The following JAZF1 variants were observed in gnomAD, a reference collection of about 807,000 sequenced individuals.
JAZF1 encodes the protein juxtaposed with another zinc finger protein 1.
Under a neutral mutation model 26.4 loss-of-function variants are expected in JAZF1, and 8 were observed. That is an observed-to-expected ratio of 0.30 (90% CI 0.18 to 0.55). The LOEUF (loss-of-function observed/expected upper bound fraction) is 0.55, where lower values mean the gene tolerates loss of function less well. Ranked by LOEUF, JAZF1 falls within the 20% of genes least tolerant of loss-of-function variation. The pLI, the probability that JAZF1 is intolerant of heterozygous loss-of-function variation, is 0.94. For synonymous variants in JAZF1, 126 were observed against 122.3 expected, an observed-to-expected ratio of 1.03 and a Z score of -0.20; for missense variants, 199 against 322.0, an observed-to-expected ratio of 0.62 and a Z score of 2.92.
chr7:27,956,052 CTTG>C (rs891012112), intron 2 of JAZF1, among the ~76,000 whole-genome samples: 4 of 152,290 alleles, frequency 2.6e-5, no homozygotes, highest in African/African-American at 9.6e-5. Flanking sequence ...GGACCATGAC[CTTG>C]TTGTGTTCTG....
intron 3 of JAZF1, among the ~76,000 whole-genome samples, chr7:27,889,782 A>G: frequency 6.6e-6 from 1 of 152,126 alleles, no homozygotes; most frequent in Non-Finnish European, 1.5e-5. Context: ...AAATACAAAA[A>G]TTAGCTGGGT....
intron 1 of JAZF1, among the ~76,000 whole-genome samples, chr7:28,137,415 C>T (rs543176138): frequency 5.9e-5 from 9 of 152,192 alleles, no homozygotes; most frequent in Non-Finnish European, 1.3e-4. Context: ...TCTCCTGCTG[C>T]TAGTCACCCT....
intron 2 of JAZF1, among the ~76,000 whole-genome samples, chr7:27,913,034 C>A (rs1003372481): frequency 1.3e-5 from 2 of 151,998 alleles, no homozygotes; most frequent in Non-Finnish European, 2.9e-5. Flanking sequence ...TGTGAGGAGA[C>A]ATTGTATCTT....
chr7:27,921,346 T>G (rs1306550566), intron 2 of JAZF1, among the ~76,000 whole-genome samples: 5 of 151,994 alleles, frequency 3.3e-5, no homozygotes, highest in Non-Finnish European at 7.4e-5. Flanking sequence ...TTTTTTTTTT[T>G]TTTTCCTTTT....
chr7:27,906,266 T>C (rs963852221), intron 2 of JAZF1, among the ~76,000 whole-genome samples: 1 of 152,134 alleles, frequency 6.6e-6, no homozygotes, highest in African/African-American at 2.4e-5. Flanking sequence ...CCCCGTTCCC[T>C]GGCCCCACAT....
At chr7:27,936,514 T>C (rs1288243757) in intron 2 of JAZF1, among the ~76,000 whole-genome samples, 2 of 152,226 alleles carry the variant, frequency 1.3e-5, no homozygotes, top group African/African-American at 4.8e-5. Context: ...TACCCAATAA[T>C]CTTTTATTTT....
intron 1 of JAZF1, among the ~76,000 whole-genome samples, chr7:28,093,002 GT>G (rs1189117819): frequency 6.6e-6 from 1 of 152,172 alleles, no homozygotes; most frequent in Admixed American, 6.5e-5. Flanking sequence ...TCTACAAAGT[GT>G]TCTAGTTGCC....
intron 3 of JAZF1, among the ~76,000 whole-genome samples, chr7:27,847,708 C>T (rs543353048): frequency 6.6e-6 from 1 of 152,144 alleles, no homozygotes; most frequent in Non-Finnish European, 1.5e-5. Flanking sequence ...TGCACTGTCG[C>T]CCAGGCTGGA....
rs141518541 is a variant in JAZF1, at chr7:28,173,426, T to A, written c.115+7037A>T. 7.4e-3 allele frequency among the ~76,000 whole-genome samples: 1,127 copies of A among 152,298 alleles called. 4 individuals are homozygous for A. The highest frequency in any genetic ancestry group is 0.014 in the African/African-American group (576 of 41,558). On this transcript the variant is annotated intron_variant, in intron 1 of 4. Coordinates refer to ENST00000283928, the MANE Select transcript of JAZF1 (RefSeq NM_175061.4). ...ACACACATAAATATATACACACATATGGATATACGTACACACATATATGTG... is the reference window on the plus strand; with the variant it reads ...ACACACATAAATATATACACACATAAGGATATACGTACACACATATATGTG...
chr7:28,108,200 G>A (rs536619594), intron 1 of JAZF1, among the ~76,000 whole-genome samples: 2 of 152,286 alleles, frequency 1.3e-5, no homozygotes, highest in South Asian at 4.1e-4. Context: ...CCAGGCACTG[G>A]ACTTGGCATT....
At chr7:27,928,850 A>G (rs1484074068) in intron 2 of JAZF1, among the ~76,000 whole-genome samples, 1 of 152,204 alleles carries the variant, frequency 6.6e-6, no homozygotes, top group Admixed American at 6.5e-5. Context: ...TAGGCTTAGT[A>G]CCTGGACGAT....
At chr7:28,109,674 T>C (rs1317128415) in intron 1 of JAZF1, among the ~76,000 whole-genome samples, 2 of 152,198 alleles carry the variant, frequency 1.3e-5, no homozygotes, top group Non-Finnish European at 2.9e-5. Context: ...TCCTAGATAA[T>C]AGAGCTAGTG....
At chr7:28,006,244 C>A (rs781256231) in intron 1 of JAZF1, among the ~76,000 whole-genome samples, 7 of 152,158 alleles carry the variant, frequency 4.6e-5, no homozygotes, top group Admixed American at 1.3e-4. Context: ...TGGTGTGCTC[C>A]TGTAGTCCCA....
chr7:28,047,086 T>A (rs534962031), intron 1 of JAZF1, among the ~76,000 whole-genome samples: 3 of 152,146 alleles, frequency 2.0e-5, no homozygotes, highest in Admixed American at 1.3e-4. Context: ...AATGTAGTTA[T>A]GTTATGAATT....
At chr7:28,131,218 C>T (rs964690351) in intron 1 of JAZF1, among the ~76,000 whole-genome samples, 1 of 152,070 alleles carries the variant, frequency 6.6e-6, no homozygotes, top group Non-Finnish European at 1.5e-5. Flanking sequence ...TTCAGTAAGA[C>T]TGGGAACCCT....
chr7:27,878,508 G>A (rs1783718973), intron 3 of JAZF1, among the ~76,000 whole-genome samples: 1 of 152,078 alleles, frequency 6.6e-6, no homozygotes, highest in African/African-American at 2.4e-5. Flanking sequence ...ACCCATCAAT[G>A]AGATGTGACT....
chr7:28,006,147 C>T (rs1207480760), intron 1 of JAZF1, among the ~76,000 whole-genome samples: 1 of 151,940 alleles, frequency 6.6e-6, no homozygotes, highest in Admixed American at 6.6e-5. Context: ...CCTGTAATAC[C>T]AGCACTTTGG....
At chr7:28,020,892 A>G (rs187991546) in intron 1 of JAZF1, 164 of 345,380 alleles carry the variant, frequency 4.7e-4, no homozygotes, top group Non-Finnish European at 8.6e-4. Flanking sequence ...CCACTCCCTC[A>G]TGAAGTCTAA....
chr7:27,984,445 T>A (rs1197084577), intron 2 of JAZF1, among the ~76,000 whole-genome samples: 1 of 152,172 alleles, frequency 6.6e-6, no homozygotes, highest in Non-Finnish European at 1.5e-5. Flanking sequence ...ATCACCAGAT[T>A]CATAAAGCAA....
Sources: gnomAD v4.1 joint callset for allele counts (sites outside exome capture counted in the v4.1 genomes callset) on GRCh38, gnomAD v4.1.1 for gene constraint, MANE v1.5 for transcripts, NCBI Gene and HGNC (gene_info 2026-07-23, HGNC 2026-07-21) for gene names.